Variants in LDB2 observed in about 807,000 individuals in gnomAD.
LDB2 encodes LIM domain-binding protein 2.
Under a neutral mutation model 44.3 loss-of-function variants are expected in LDB2, and 12 were observed. That is an observed-to-expected ratio of 0.27 (90% confidence interval 0.17 to 0.44). The LOEUF (loss-of-function observed/expected upper bound fraction) is 0.44, where lower values mean the gene tolerates loss of function less well. LDB2 is among the 20% of genes least tolerant of loss of function. The pLI is 1.00. For missense variants in LDB2, 344 were observed against 473.5 expected (o/e 0.73, Z 2.54); for synonymous variants, 164 against 174.8 (o/e 0.94, Z 0.49).
At chr4:16,652,466 C>T (rs902352902) in intron 2 of LDB2, among the ~76,000 whole-genome samples, 62 of 152,098 alleles carry the variant, frequency 4.1e-4, no homozygotes, top group African/African-American at 1.4e-3. Context: ...AAGCCCTGGA[C>T]AATTCTGAAT....
intron 4 of LDB2, 35 bp downstream of exon 4, chr4:16,588,666 GGAAAAAAAA>G: frequency 6.3e-7 from 1 of 1,597,696 alleles, no homozygotes; most frequent in Non-Finnish European, 8.5e-7. Context: ...AAATGAAGGA[GGAAAAAAAA>G]GAAAAGAAAG....
chr4:16,885,196 T>C (rs1721315156), intron 1 of LDB2, among the ~76,000 whole-genome samples: 1 of 138,562 alleles, frequency 7.2e-6, no homozygotes, highest in African/African-American at 2.7e-5. Flanking sequence ...ATTAGTCAAA[T>C]GTCGTGGTGC....
At chr4:16,668,031 G>C (rs1186898467) in intron 2 of LDB2, among the ~76,000 whole-genome samples, 1 of 151,912 alleles carries the variant, frequency 6.6e-6, no homozygotes, top group African/African-American at 2.4e-5. Context: ...AAATTACTAG[G>C]TCAAGACCAA....
At chr4:16,874,450 T>C (rs1407097109) in intron 1 of LDB2, among the ~76,000 whole-genome samples, 3 of 152,206 alleles carry the variant, frequency 2.0e-5, no homozygotes, top group Non-Finnish European at 2.9e-5. Flanking sequence ...ATCATTGTCA[T>C]TGTACATGTA....
chr4:16,613,493 T>C (rs1178982211), intron 2 of LDB2, among the ~76,000 whole-genome samples: 1 of 152,198 alleles, frequency 6.6e-6, no homozygotes, highest in Non-Finnish European at 1.5e-5. Flanking sequence ...ATGAAATGCC[T>C]ACTATGCATT....
At chr4:16,674,645 C>T (rs1450390411) in intron 2 of LDB2, among the ~76,000 whole-genome samples, 1 of 152,156 alleles carries the variant, frequency 6.6e-6, no homozygotes, top group African/African-American at 2.4e-5. Flanking sequence ...AAACACTGGT[C>T]CGTCTGCTCC....
At chr4:16,569,535 C>T (rs933940992) in intron 5 of LDB2, among the ~76,000 whole-genome samples, 1 of 152,154 alleles carries the variant, frequency 6.6e-6, no homozygotes, top group African/African-American at 2.4e-5. Context: ...CCCAGACATA[C>T]AGCAGATGCT....
At chr4:16,505,972 G>T (rs766899204) in intron 7 of LDB2, 1 of 1,551,546 alleles carries the variant, frequency 6.4e-7, no homozygotes, top group South Asian at 1.2e-5. Context: ...GTTCGGGATC[G>T]CTCCTAGCCC....
chr4:16,694,646 G>T (rs1751667179), intron 2 of LDB2, among the ~76,000 whole-genome samples: 1 of 152,102 alleles, frequency 6.6e-6, no homozygotes, highest in Admixed American at 6.5e-5. Flanking sequence ...CTTATGATGG[G>T]GTGTGTGCGG....
At chr4:16,570,245 C>T (rs902322322) in intron 5 of LDB2, among the ~76,000 whole-genome samples, 2 of 151,610 alleles carry the variant, frequency 1.3e-5, no homozygotes, top group Non-Finnish European at 2.9e-5. Context: ...GGGCGGATCA[C>T]GAGGTCAGGA....
At chr4:16,674,997 G>C (rs1745901554) in intron 2 of LDB2, among the ~76,000 whole-genome samples, 1 of 151,958 alleles carries the variant, frequency 6.6e-6, no homozygotes, top group Non-Finnish European at 1.5e-5. Context: ...GTGAACACTG[G>C]GATATTCAAA....
chr4:16,558,472 G>A (rs1035089133), intron 5 of LDB2, among the ~76,000 whole-genome samples: 3 of 152,134 alleles, frequency 2.0e-5, no homozygotes, highest in African/African-American at 7.2e-5. Flanking sequence ...GATGGAAGAC[G>A]AAATGAATGA....
At chr4:16,670,008 A>G (rs549857513) in intron 2 of LDB2, among the ~76,000 whole-genome samples, 16 of 152,356 alleles carry the variant, frequency 1.1e-4, no homozygotes, top group Admixed American at 7.8e-4. Context: ...TCGTGCTACA[A>G]TGCTAGAGTT....
intron 7 of LDB2, among the ~76,000 whole-genome samples, chr4:16,504,717 G>A (rs911367133): frequency 6.6e-6 from 1 of 152,194 alleles, no homozygotes; most frequent in Non-Finnish European, 1.5e-5. Context: ...CAGTTAGCTG[G>A]GCAGCTGCAG....
At chr4:16,821,746 C>CAAAAAAAA (rs562184189) in intron 1 of LDB2, among the ~76,000 whole-genome samples, 5,725 of 61,612 alleles carry the variant, frequency 0.093, 1,116 homozygotes, top group Middle Eastern at 0.12. Context: ...AACATTAAAG[C>CAAAAAAAA]AAAAAAAAAA....
intron 1 of LDB2, among the ~76,000 whole-genome samples, chr4:16,781,695 G>A (rs1009122283): frequency 6.6e-6 from 1 of 152,130 alleles, no homozygotes; most frequent in Non-Finnish European, 1.5e-5. Context: ...TCGATTGAAT[G>A]GTGTCACCTG....
intron 1 of LDB2, among the ~76,000 whole-genome samples, chr4:16,800,519 TA>T (rs1222912421): frequency 6.6e-6 from 1 of 152,248 alleles, no homozygotes; most frequent in Admixed American, 6.5e-5. Flanking sequence ...TTACCTTTTA[TA>T]AACAATCATC....
intron 5 of LDB2, among the ~76,000 whole-genome samples, chr4:16,542,101 T>TGGTGG (rs1553889139): frequency 1.2e-5 from 1 of 83,688 alleles, no homozygotes; most frequent in South Asian, 6.1e-4. Flanking sequence ...CATCAGGTGG[T>TGGTGG]GGGGGGGGGG....
intron 1 of LDB2, among the ~76,000 whole-genome samples, chr4:16,886,128 A>C (rs1721634720): frequency 6.6e-6 from 1 of 152,008 alleles, no homozygotes; most frequent in African/African-American, 2.4e-5. Flanking sequence ...CTGAGGCTCA[A>C]GGATCACTTG....
Sources: allele counts gnomAD v4.1 joint callset (sites outside exome capture counted in the v4.1 genomes callset), GRCh38; gene constraint gnomAD v4.1.1; transcripts MANE v1.5; gene names NCBI Gene and HGNC (gene_info 2026-07-23, HGNC 2026-07-21).